NKAIN2: variants seen among roughly 807,000 people sequenced by gnomAD.
The protein encoded by NKAIN2 is sodium/potassium-transporting ATPase subunit beta-1-interacting protein 2.
In NKAIN2, 14 loss-of-function variants were observed where a neutral mutation model predicts 32.6. The observed-to-expected ratio is 0.43, with a 90% CI of 0.28 to 0.67. The LOEUF is 0.67. NKAIN2 is among the 30% of genes least tolerant of loss of function. The probability of loss-of-function intolerance (pLI) is 0.17; values close to 1 mark genes in which losing one functional copy is unlikely to be tolerated. For synonymous variants in NKAIN2, 80 were observed against 87.2 expected (o/e 0.92, Z 0.46); for missense variants, 198 against 258.3 (o/e 0.77, Z 1.60).
At chr6:124,276,029 A>G (rs1480184982) in intron 1 of NKAIN2, among the ~76,000 whole-genome samples, 4 of 152,074 alleles carry the variant, frequency 2.6e-5, no homozygotes, top group South Asian at 2.1e-4. Flanking sequence ...TGATTTTCCA[A>G]TTCTAAAACT....
At chr6:124,111,570 C>T (rs1785386069) in intron 1 of NKAIN2, among the ~76,000 whole-genome samples, 1 of 151,974 alleles carries the variant, frequency 6.6e-6, no homozygotes, top group African/African-American at 2.4e-5. Context: ...TATCCCTTCA[C>T]TTTCAGCCAA....
At chr6:123,937,865 T>A (rs1776591349) in intron 1 of NKAIN2, among the ~76,000 whole-genome samples, 1 of 152,204 alleles carries the variant, frequency 6.6e-6, no homozygotes, top group Admixed American at 6.6e-5. Flanking sequence ...GCTGTAGATG[T>A]CCATGTGCTC....
At chr6:124,077,305 A>G (rs1783737703) in intron 1 of NKAIN2, among the ~76,000 whole-genome samples, 2 of 152,172 alleles carry the variant, frequency 1.3e-5, no homozygotes, top group South Asian at 4.1e-4. Context: ...TAATTTTCAT[A>G]CATGTATTTT....
At chr6:124,469,327 CAACTA>C (rs772933583) in intron 3 of NKAIN2, among the ~76,000 whole-genome samples, 1 of 152,102 alleles carries the variant, frequency 6.6e-6, no homozygotes, top group Non-Finnish European at 1.5e-5. Context: ...AGATAAAACT[CAACTA>C]GCCTTATGAA....
chr6:123,873,858 A>G (rs1773032538), intron 1 of NKAIN2, among the ~76,000 whole-genome samples: 1 of 152,158 alleles, frequency 6.6e-6, no homozygotes, highest in African/African-American at 2.4e-5. Context: ...GTAGAGTTTA[A>G]CTATAGGTAA....
At chr6:124,018,047 A>G (rs1780672541) in intron 1 of NKAIN2, among the ~76,000 whole-genome samples, 1 of 151,808 alleles carries the variant, frequency 6.6e-6, no homozygotes, top group Non-Finnish European at 1.5e-5. Context: ...GCATTTCCAT[A>G]CCTCCTCTGA....
At chr6:124,221,503 A>G (rs1791819549) in intron 1 of NKAIN2, among the ~76,000 whole-genome samples, 1 of 152,048 alleles carries the variant, frequency 6.6e-6, no homozygotes, top group Admixed American at 6.5e-5. Flanking sequence ...ACATGTATAC[A>G]TATGTAACTA....
At chr6:124,003,569 T>A (rs1779959468) in intron 1 of NKAIN2, among the ~76,000 whole-genome samples, 2 of 152,218 alleles carry the variant, frequency 1.3e-5, no homozygotes, top group Non-Finnish European at 2.9e-5. Context: ...CTGGATGTTT[T>A]AATTCTGGGG....
intron 1 of NKAIN2, among the ~76,000 whole-genome samples, chr6:124,118,474 A>C (rs370033034): frequency 6.6e-6 from 1 of 152,166 alleles, no homozygotes; most frequent in Non-Finnish European, 1.5e-5. Flanking sequence ...TGCTATTAAT[A>C]CTAATACCTC....
chr6:124,778,603 C>T (rs975359084), intron 4 of NKAIN2, among the ~76,000 whole-genome samples: 18 of 151,696 alleles, frequency 1.2e-4, no homozygotes, highest in African/African-American at 2.7e-4. Context: ...AGAGAAAATT[C>T]GAGCTCAGAA....
At chr6:123,933,553 G>A (rs189676769) in intron 1 of NKAIN2, among the ~76,000 whole-genome samples, 85 of 152,312 alleles carry the variant, frequency 5.6e-4, no homozygotes, top group African/African-American at 2.0e-3. Flanking sequence ...GAAACTACGG[G>A]TTCCTTTGTC....
At chr6:124,411,171 G>C (rs1257869210) in intron 3 of NKAIN2, among the ~76,000 whole-genome samples, 1 of 152,052 alleles carries the variant, frequency 6.6e-6, no homozygotes, top group African/African-American at 2.4e-5. Context: ...GGAGCATTTA[G>C]CCCATTTACA....
chr6:124,072,997 G>A (rs1308013896), intron 1 of NKAIN2, among the ~76,000 whole-genome samples: 1 of 152,106 alleles, frequency 6.6e-6, no homozygotes. Flanking sequence ...TTTTCCTTAG[G>A]AAATAGACTC....
At chr6:123,937,987 A>G (rs1289118417) in intron 1 of NKAIN2, among the ~76,000 whole-genome samples, 1 of 17,794 alleles carries the variant, frequency 5.6e-5, no homozygotes, top group Non-Finnish European at 9.5e-5. Flanking sequence ...GGCCTTGAAC[A>G]TACACGAAAA....
At chr6:124,097,470 G>C (rs925272439) in intron 1 of NKAIN2, among the ~76,000 whole-genome samples, 1 of 151,706 alleles carries the variant, frequency 6.6e-6, no homozygotes, top group Non-Finnish European at 1.5e-5. Flanking sequence ...CATCTTAGAT[G>C]GCACAAAAAA....
At chr6:124,288,865 A>C (rs148010961) in intron 2 of NKAIN2, among the ~76,000 whole-genome samples, 14 of 152,222 alleles carry the variant, frequency 9.2e-5, no homozygotes, top group Non-Finnish European at 1.6e-4. Context: ...ACATACATAC[A>C]TACATATCAT....
chr6:124,532,647 G>A (rs1779566742), intron 3 of NKAIN2, among the ~76,000 whole-genome samples: 1 of 152,192 alleles, frequency 6.6e-6, no homozygotes, highest in African/African-American at 2.4e-5. Flanking sequence ...AGGCTAATTC[G>A]TTATTTTCCA....
At chr6:124,162,216 C>T (rs991321314) in intron 1 of NKAIN2, among the ~76,000 whole-genome samples, 4 of 151,968 alleles carry the variant, frequency 2.6e-5, no homozygotes, top group African/African-American at 9.7e-5. Flanking sequence ...ATGTAAGAAT[C>T]AGTTGACATG....
chr6:124,693,723 G>A (rs776578728), intron 4 of NKAIN2, among the ~76,000 whole-genome samples: 1 of 152,190 alleles, frequency 6.6e-6, no homozygotes, highest in African/African-American at 2.4e-5. Flanking sequence ...TTTGGCATTT[G>A]TGTGGCTGGA....
Sources: allele counts gnomAD v4.1 joint callset (sites outside exome capture counted in the v4.1 genomes callset), GRCh38; gene constraint gnomAD v4.1.1; transcripts MANE v1.5; gene names NCBI Gene and HGNC (gene_info 2026-07-23, HGNC 2026-07-21).